ENTREP2: variants seen among roughly 807,000 people sequenced by gnomAD.
ENTREP2 encodes protein ENTREP2.
the ENTREP2 span, among the ~76,000 whole-genome samples, chr15:29,636,238 G>A: frequency 4.6e-5 from 7 of 152,178 alleles, no homozygotes; most frequent in African/African-American, 1.7e-4. Context: ...CTCCCCTCAT[G>A]CCTGCTGTGG....
At chr15:29,270,695 T>C in the ENTREP2 span, among the ~76,000 whole-genome samples, 1 of 152,206 alleles carries the variant, frequency 6.6e-6, no homozygotes, top group Admixed American at 6.5e-5. Context: ...TCATCTATGA[T>C]GTGATATACA....
the ENTREP2 span, among the ~76,000 whole-genome samples, chr15:29,538,891 TCTAACAC>T: frequency 6.6e-6 from 1 of 152,128 alleles, no homozygotes; most frequent in East Asian, 1.9e-4. Context: ...TCCTCCTTGG[TCTAACAC>T]CCTCAGATTC....
the ENTREP2 span, among the ~76,000 whole-genome samples, chr15:29,482,999 A>T: frequency 6.6e-6 from 1 of 152,240 alleles, no homozygotes; most frequent in South Asian, 2.1e-4. Context: ...CCACATCAGC[A>T]TTTGATGCTA....
chr15:29,185,174 C>G, the ENTREP2 span, among the ~76,000 whole-genome samples: 38 of 152,198 alleles, frequency 2.5e-4, no homozygotes, highest in African/African-American at 9.2e-4. Context: ...GTTGGCCAGG[C>G]TGGTCTTGAA....
the ENTREP2 span, among the ~76,000 whole-genome samples, chr15:29,149,501 C>T: frequency 6.6e-6 from 1 of 152,258 alleles, no homozygotes; most frequent in East Asian, 1.9e-4. Context: ...CACAGCCAGC[C>T]TGGCTCAAGC....
At chr15:29,384,993 C>T in the ENTREP2 span, among the ~76,000 whole-genome samples, 1 of 152,148 alleles carries the variant, frequency 6.6e-6, no homozygotes, top group Non-Finnish European at 1.5e-5. Context: ...CAGATGAAAT[C>T]TTACCCGTTC....
chr15:29,666,429 G>A, the ENTREP2 span, among the ~76,000 whole-genome samples: 3 of 136,558 alleles, frequency 2.2e-5, no homozygotes, highest in African/African-American at 5.6e-5. Context: ...CCCCACCCTC[G>A]CCCAGACTGC....
the ENTREP2 span, among the ~76,000 whole-genome samples, chr15:29,464,601 T>G: frequency 6.6e-6 from 1 of 152,192 alleles, no homozygotes; most frequent in South Asian, 2.1e-4. Context: ...TTGATTTCTC[T>G]TTTAATAAGG....
chr15:29,451,639 CGGGAGGGT>C, the ENTREP2 span, among the ~76,000 whole-genome samples: 1 of 152,188 alleles, frequency 6.6e-6, no homozygotes. Flanking sequence ...CTGCCCACCA[CGGGAGGGT>C]CTTCACTATC....
chr15:29,143,804 C>T, the ENTREP2 span, among the ~76,000 whole-genome samples: 1 of 152,078 alleles, frequency 6.6e-6, no homozygotes, highest in Non-Finnish European at 1.5e-5. Context: ...GAAATGAAAA[C>T]CCGCTCAGAA....
chr15:29,447,709 C>T, the ENTREP2 span, among the ~76,000 whole-genome samples: 1 of 150,200 alleles, frequency 6.7e-6, no homozygotes, highest in African/African-American at 2.4e-5. Flanking sequence ...AAGCTGGTCT[C>T]GAACTCCTGG....
the ENTREP2 span, among the ~76,000 whole-genome samples, chr15:29,505,960 C>A: frequency 6.6e-6 from 1 of 152,038 alleles, no homozygotes; most frequent in African/African-American, 2.4e-5. The surrounding 1 kb of genome is among the most constrained non-coding windows in gnomAD (Gnocchi z 4.3). Flanking sequence ...ATAACAAACT[C>A]CTCCTAGCTA....
At chr15:29,133,274 C>T in the ENTREP2 span, among the ~76,000 whole-genome samples, 1 of 152,164 alleles carries the variant, frequency 6.6e-6, no homozygotes, top group Non-Finnish European at 1.5e-5. Context: ...AAACATCCTG[C>T]GAGAGTGATC....
chr15:29,390,848 A>G, the ENTREP2 span, among the ~76,000 whole-genome samples: 1 of 152,232 alleles, frequency 6.6e-6, no homozygotes, highest in Non-Finnish European at 1.5e-5. Flanking sequence ...TTGAAAGCCA[A>G]GTAAATTACT....
the ENTREP2 span, among the ~76,000 whole-genome samples, chr15:29,621,834 C>T: frequency 6.0e-4 from 91 of 152,228 alleles, 1 homozygote; most frequent in African/African-American, 2.2e-3. Context: ...CACTATCATT[C>T]ACATTAACCA....
chr15:29,232,577 T>C, the ENTREP2 span, among the ~76,000 whole-genome samples: 1 of 152,068 alleles, frequency 6.6e-6, no homozygotes, highest in East Asian at 1.9e-4. Context: ...ACTGGAGCCT[T>C]GAACTCCTGG....
the ENTREP2 span, among the ~76,000 whole-genome samples, chr15:29,433,164 G>A: frequency 0.18 from 27,622 of 152,152 alleles, 3,077 homozygotes; most frequent in Middle Eastern, 0.37. Context: ...CCCCAGCACT[G>A]GTGGCTGTGA....
chr15:29,245,196 A>C, the ENTREP2 span, among the ~76,000 whole-genome samples: 1 of 152,304 alleles, frequency 6.6e-6, no homozygotes, highest in Non-Finnish European at 1.5e-5. Flanking sequence ...TAATAACTAA[A>C]ACAGGCATCC....
chr15:29,484,747 A>G, the ENTREP2 span, among the ~76,000 whole-genome samples: 1 of 152,234 alleles, frequency 6.6e-6, no homozygotes, highest in Admixed American at 6.5e-5. Flanking sequence ...ACCTTAACCC[A>G]TAGAACTCAC....
Sources: gnomAD v4.1 joint callset for allele counts (sites outside exome capture counted in the v4.1 genomes callset) on GRCh38, gnomAD v4.1.1 for gene constraint, Gnocchi (gnomAD v3.1) non-coding constraint, MANE v1.5 for transcripts, NCBI Gene and HGNC (gene_info 2026-07-23, HGNC 2026-07-21) for gene names.